Variants in MSI2 observed in about 807,000 individuals in gnomAD.
MSI2 encodes RNA-binding protein Musashi homolog 2.
MSI2 carries 17 observed loss-of-function variants against 45.6 expected under a neutral mutation model. That is an observed-to-expected ratio of 0.37 (90% CI 0.26 to 0.56). MSI2 has a LOEUF of 0.56. Ranked by LOEUF, MSI2 falls within the 20% of genes least tolerant of loss-of-function variation. The pLI is 0.77. For missense variants in MSI2, 293 were observed against 444.2 expected, an observed-to-expected ratio of 0.66 and a Z score of 3.06; for synonymous variants, 156 against 158.2, an observed-to-expected ratio of 0.99 and a Z score of 0.11.
At chr17:57,421,030 T>C (rs2084385587) in intron 6 of MSI2, among the ~76,000 whole-genome samples, 1 of 152,210 alleles carries the variant, frequency 6.6e-6, no homozygotes, top group Admixed American at 6.5e-5. Context: ...TGGAGACTAT[T>C]ACAATAAAAG....
At chr17:57,630,780 G>A (rs1000923879) in intron 10 of MSI2, 31 of 152,274 alleles carry the variant, frequency 2.0e-4, no homozygotes, top group African/African-American at 6.0e-4. Flanking sequence ...AACCAAACTT[G>A]ATGACTCCTG....
At chr17:57,480,490 T>C (rs969097758) in intron 6 of MSI2, among the ~76,000 whole-genome samples, 1 of 152,210 alleles carries the variant, frequency 6.6e-6, no homozygotes, top group Non-Finnish European at 1.5e-5. Context: ...AGGAGAGTTT[T>C]GAAGCTGCAG....
chr17:57,694,065 AT>A, the MSI2 span, among the ~76,000 whole-genome samples: 1 of 152,234 alleles, frequency 6.6e-6, no homozygotes, highest in South Asian at 2.1e-4. Context: ...TCATTTACAT[AT>A]TGTCTATGGC....
intron 5 of MSI2, among the ~76,000 whole-genome samples, chr17:57,300,242 G>A (rs1476009157): frequency 6.6e-6 from 1 of 152,054 alleles, no homozygotes; most frequent in Non-Finnish European, 1.5e-5. Context: ...CTCATTCCAG[G>A]TGTCTTAACT....
chr17:57,339,680 T>C (rs1914972085), intron 5 of MSI2, among the ~76,000 whole-genome samples: 1 of 152,232 alleles, frequency 6.6e-6, no homozygotes. Flanking sequence ...CAAGGAAAGA[T>C]GCTCATGCAC....
chr17:57,391,997 G>C (rs529806060), intron 5 of MSI2, among the ~76,000 whole-genome samples: 269 of 152,328 alleles, frequency 1.8e-3, no homozygotes, highest in Non-Finnish European at 2.7e-3. Flanking sequence ...TGAGCACTGG[G>C]GGGCAGCGGC....
intron 10 of MSI2, chr17:57,632,770 TA>T (rs1909507380): frequency 5.6e-6 from 6 of 1,065,848 alleles, no homozygotes; most frequent in Non-Finnish European, 6.8e-6. Flanking sequence ...TCTGTGCTGG[TA>T]GTTTGTGAGA....
chr17:57,470,645 G>A (rs2085417254), intron 6 of MSI2, among the ~76,000 whole-genome samples: 1 of 152,152 alleles, frequency 6.6e-6, no homozygotes, highest in South Asian at 2.1e-4. Flanking sequence ...GGCAGAGTAG[G>A]GTAAAAGAAT....
chr17:57,287,460 C>G (rs1261043420), intron 5 of MSI2, among the ~76,000 whole-genome samples: 1 of 152,136 alleles, frequency 6.6e-6, no homozygotes, highest in South Asian at 2.1e-4. Context: ...GGAGGACTGC[C>G]GGGGCTTACC....
intron 9 of MSI2, 148 bp downstream of exon 9, chr17:57,616,232 G>C (rs78823148): frequency 2.5e-5 from 15 of 611,434 alleles, no homozygotes; most frequent in Non-Finnish European, 4.1e-5. Context: ...ATAATTCCCC[G>C]TTCCAAGACA....
At chr17:57,404,546 C>T (rs944631713) in intron 6 of MSI2, among the ~76,000 whole-genome samples, 2 of 152,054 alleles carry the variant, frequency 1.3e-5, no homozygotes, top group Admixed American at 1.3e-4. Context: ...GAATTCATAC[C>T]CTACTTCCTT....
intron 6 of MSI2, among the ~76,000 whole-genome samples, chr17:57,450,790 CAG>C (rs1178035749): frequency 6.7e-6 from 1 of 148,660 alleles, no homozygotes; most frequent in African/African-American, 2.5e-5. Flanking sequence ...ATATGTATAA[CAG>C]AGCTTTTTCT....
At chr17:57,629,758 C>T (rs1298661850) in intron 10 of MSI2, 12 of 152,880 alleles carry the variant, frequency 7.8e-5, no homozygotes, top group African/African-American at 2.2e-4. Context: ...CACTTCCTCC[C>T]CTCGCTTCCC....
chr17:57,684,743 T>C (rs973741333), downstream of MSI2: 4 of 152,568 alleles, frequency 2.6e-5, no homozygotes, highest in African/African-American at 7.2e-5. Flanking sequence ...GGAGAGCTGT[T>C]GTTTTGCTTG....
intron 4 of MSI2, among the ~76,000 whole-genome samples, chr17:57,261,608 GTTGGATGTCTGTGGGGAGTTT>G (rs1164122532): frequency 6.6e-6 from 1 of 152,122 alleles, no homozygotes; most frequent in Non-Finnish European, 1.5e-5. Context: ...AGAGCACTGT[GTTGGATGTCTGTGGGGAGTTT>G]TTGGATGTTG....
intron 5 of MSI2, among the ~76,000 whole-genome samples, chr17:57,299,717 A>G (rs1196586926): frequency 6.6e-6 from 1 of 152,206 alleles, no homozygotes; most frequent in Non-Finnish European, 1.5e-5. Context: ...ATATTATTAT[A>G]ATAATAATGA....
Position 57,334,775 on chromosome 17 carries a change from C to T in MSI2, c.313-66604C>T, listed in dbSNP as rs2143751587. On this transcript the variant is annotated intron_variant, in intron 5 of 13. Coordinates refer to ENST00000284073, the MANE Select transcript of MSI2 (RefSeq NM_138962.4). ...TGCCATTGCACTCCAGCCTGGGCAA[C>T]AGTACGAGACTCCATCTCAAAAAAA... is the stretch of plus-strand genomic sequence containing the variant. Among the ~76,000 whole-genome samples, 4 of 150,394 alleles carry T rather than the reference C, an allele frequency of 2.7e-5. No individual in the cohort carries two copies. In the Middle Eastern group the frequency reaches 0.014, roughly 512 times the overall value.
In MSI2 at chr17:57,454,547, C is replaced by T. The variant is rs140342545; in HGVS notation, c.405+53076C>T. 3.4e-3 allele frequency among the ~76,000 whole-genome samples: 522 copies of T among 151,780 alleles called. 3 individuals are homozygous for T. Among genetic ancestry groups the T allele is most frequent in the African/African-American group, 0.012 (484 of 41,352 alleles). ...CAACTCCCTGGTCCAGGCGATTCTC[C>T]TGCCTCAGCCTCCTAAGTAGCTGGG... On this transcript the variant is annotated intron_variant, in intron 6 of 13. Transcript: ENST00000284073.
chr17:57,655,040 A>G (rs1911490405), intron 11 of MSI2, among the ~76,000 whole-genome samples: 1 of 151,322 alleles, frequency 6.6e-6, no homozygotes, highest in Non-Finnish European at 1.5e-5. Flanking sequence ...ACTTGGATCC[A>G]TCAGGGCTAT....
Sources: allele counts gnomAD v4.1 joint callset (sites outside exome capture counted in the v4.1 genomes callset), GRCh38; gene constraint gnomAD v4.1.1; transcripts MANE v1.5; gene names NCBI Gene and HGNC (gene_info 2026-07-23, HGNC 2026-07-21).